Variants in SCN9A observed in about 807,000 individuals in gnomAD.
The protein encoded by SCN9A is sodium channel protein type 9 subunit alpha.
Under a neutral mutation model 187.0 loss-of-function variants are expected in SCN9A, and 131 were observed. The ratio of observed to expected loss-of-function variants is 0.70; its 90% CI spans 0.61 to 0.81. The LOEUF (loss-of-function observed/expected upper bound fraction) is 0.81, where lower values mean the gene tolerates loss of function less well. Ranked by LOEUF, SCN9A falls within the 30% of genes least tolerant of loss-of-function variation. The probability of loss-of-function intolerance (pLI) is 0.00; values close to 1 mark genes in which losing one functional copy is unlikely to be tolerated. For missense variants in SCN9A, 2,252 were observed against 2,396.6 expected, an observed-to-expected ratio of 0.94 and a Z score of 1.26; for synonymous variants, 809 against 808.6, an observed-to-expected ratio of 1.00 and a Z score of -0.01.
chr2:166,288,093 T>TTTTA (rs1275721254), intron 10 of SCN9A, among the ~76,000 whole-genome samples: 1 of 134,914 alleles, frequency 7.4e-6, no homozygotes, highest in Non-Finnish European at 1.6e-5. Flanking sequence ...TTCCATGTGT[T>TTTTA]TATATATATA....
chr2:166,204,019 T>A lies in SCN9A; in HGVS notation c.4710A>T (p.Arg1570Ser). The change falls in exon 26 of 27, where the codon AGA (arginine) becomes AGT (serine). Residue 1570 changes from arginine to serine, a missense_variant. Arg to Ser is a moderately radical substitution (Grantham distance 110). Around this residue, in one of 7 missense-constraint regions of SCN9A, gnomAD observed 368 missense variants for 408.6 expected, o/e 0.90. Coordinates refer to ENST00000642356, the MANE Select transcript of SCN9A (RefSeq NM_001365536.1). ...GECVLKLISLRHYYFTVGWNI... is the reference protein window; with the variant it reads ...GECVLKLISLSHYYFTVGWNI... The stretch of plus-strand genomic sequence containing the variant: ...TCCATCCTACAGTGAAGTAGTAGTG[T>A]CTGAGGGAGATCAGTTTTAGCACAC... 1 of 1,607,574 alleles carries A rather than the reference T, an allele frequency of 6.2e-7. No individual in the cohort carries two copies. The highest frequency in any genetic ancestry group is 8.5e-7 in the Non-Finnish European group (1 of 1,174,662).
At chr2:166,273,289 C>A (rs1697084974) in intron 16 of SCN9A, among the ~76,000 whole-genome samples, 2 of 152,120 alleles carry the variant, frequency 1.3e-5, no homozygotes, top group Non-Finnish European at 2.9e-5. Flanking sequence ...ACAGGTAGAA[C>A]AAAACAATTG....
At chr2:166,372,505 T>C (rs1700589890) in intron 1 of SCN9A, among the ~76,000 whole-genome samples, 1 of 152,236 alleles carries the variant, frequency 6.6e-6, no homozygotes, top group Non-Finnish European at 1.5e-5. Context: ...GAGTCACTTA[T>C]AACCATATTA....
intron 6 of SCN9A, 40 bp downstream of exon 6, chr2:166,304,198 G>T: frequency 6.2e-7 from 1 of 1,610,134 alleles, no homozygotes; most frequent in Non-Finnish European, 8.5e-7. Flanking sequence ...AATAGTTGGA[G>T]TTATGAGTGG....
In SCN9A at chr2:166,338,803, G is replaced by C. The variant is rs780296350; in HGVS notation, c.-50-26997C>G. The stretch of plus-strand genomic sequence containing the variant: ...ATTTTGTAGAATGCGTCTCAACTTG[G>C]GTTCACTGAATTTTTCAATTCACAA... On this transcript the variant is annotated intron_variant, in intron 1 of 26. Transcript: ENST00000642356. Among the ~76,000 whole-genome samples, 8 of 152,076 alleles carry C rather than the reference G, an allele frequency of 5.3e-5. No homozygotes were observed. In the South Asian group the frequency reaches 8.3e-4, roughly 16 times the overall value.
rs1553507744 is a variant in SCN9A, at chr2:166,370,235, A to ATC, written c.-51+5461_-51+5462insGA. ...TAATAATAATAATAATAATAATAAT[A>ATC]ATCATCATCATCATCATTAGATAAT... On this transcript the variant is annotated intron_variant, in intron 1 of 26. Transcript: ENST00000642356. Among the ~76,000 whole-genome samples the ATC allele has an allele frequency of 2.8e-3, 389 of 137,134 alleles. 2 individuals carry two copies. Among genetic ancestry groups the ATC allele is most frequent in the Middle Eastern group, 0.014 (4 of 276 alleles). The allele number at this position is 137,134 out of a possible 152,430, so 90.0% of individuals were successfully genotyped here.
intron 4 of SCN9A, 97 bp downstream of exon 4, chr2:166,306,413 T>C (rs1173955549): frequency 2.7e-6 from 2 of 746,412 alleles, no homozygotes; most frequent in Non-Finnish European, 4.8e-6. Context: ...AGGTAAAGAT[T>C]CCCCATCTTC....
chr2:166,238,045 C>T, intron 20 of SCN9A, 49 bp downstream of exon 20: 2 of 1,399,920 alleles, frequency 1.4e-6, no homozygotes, highest in East Asian at 2.4e-5. Flanking sequence ...TTTTTCACAA[C>T]ACACAGTAAG....
At position 166,222,930 on chromosome 2, in the gene SCN9A, C is replaced by CAAA. The variant is rs1369885268; in HGVS notation, c.4398+3634_4398+3636dup. On this transcript the variant is annotated intron_variant, in intron 24 of 26. Coordinates refer to ENST00000642356, the MANE Select transcript of SCN9A (RefSeq NM_001365536.1). ...TGGGCGACAGAGCGAAACTCCGTCT[C>CAAA]AAAAAAAAAAACAACAAAAAAAAAA... Among the ~76,000 whole-genome samples, 141 of 19,334 alleles carry CAAA rather than the reference C, an allele frequency of 7.3e-3. 4 individuals carry two copies. Among genetic ancestry groups the CAAA allele is most frequent in the Middle Eastern group, 0.02 (1 of 50 alleles). The allele number at this position is 19,334 out of a possible 152,430, so 12.7% of individuals were successfully genotyped here. A position where few individuals can be genotyped will look rare whatever the true frequency, so the allele number is the denominator to read the frequency against.
chr2:166,337,854 CAT>C (rs892013161), intron 1 of SCN9A, among the ~76,000 whole-genome samples: 46 of 152,150 alleles, frequency 3.0e-4, no homozygotes, highest in African/African-American at 1.1e-3. Flanking sequence ...TGAGTTAATG[CAT>C]ATAAACACTC....
chr2:166,344,218 G>T (rs189023255), intron 1 of SCN9A, among the ~76,000 whole-genome samples: 38 of 152,072 alleles, frequency 2.5e-4, no homozygotes, highest in African/African-American at 7.0e-4. Context: ...GAAGTATAAG[G>T]TTAAAAGTAT....
At position 166,250,096 on chromosome 2, in the gene SCN9A, G is replaced by A. The variant is rs141729445; in HGVS notation, c.3472+1669C>T. The stretch of plus-strand genomic sequence containing the variant: ...TACACCTTTGCTTCTTACATAAAAT[G>A]ATATTTGGTGTGTATTTAAAGAAAA... On this transcript the variant is annotated intron_variant, in intron 18 of 26. Coordinates refer to ENST00000642356, the MANE Select transcript of SCN9A (RefSeq NM_001365536.1). 5.7e-3 allele frequency among the ~76,000 whole-genome samples: 862 copies of A among 152,206 alleles called. 11 individuals carry two copies. Among genetic ancestry groups the A allele is most frequent in the African/African-American group, 0.02 (822 of 41,560 alleles).
At chr2:166,206,233 TATTCACAATAGC>T (rs1338263229) in intron 24 of SCN9A, among the ~76,000 whole-genome samples, 1 of 152,142 alleles carries the variant, frequency 6.6e-6, no homozygotes, top group African/African-American at 2.4e-5. Flanking sequence ...ATTGCAGCAC[TATTCACAATAGC>T]AAAGACTTGG....
At position 166,277,294 on chromosome 2, in the gene SCN9A, G is replaced by A; in HGVS notation, c.2563C>T (p.Leu855=). The A allele has an allele frequency of 6.2e-7, 1 of 1,613,382 alleles. No homozygotes were observed. ...LAKSWPTLNM[L]IKIIGNSVGA... ...ACTGAGTTACCAATGATCTTAATCA[G>A]CATGTTCAATGTTGGCCAGGATTTT... Residue 855 remains leucine, a synonymous_variant, in exon 16 of 27, where the codon CTG becomes TTG. Transcript: ENST00000642356.
At chr2:166,200,143 G>C (rs1258125495) in intron 26 of SCN9A, among the ~76,000 whole-genome samples, 19 of 147,330 alleles carry the variant, frequency 1.3e-4, no homozygotes, top group Admixed American at 1.2e-3. Flanking sequence ...GACTACAGGC[G>C]CCCGCTACCA....
At chr2:166,203,834 T>C in intron 26 of SCN9A, 121 bp downstream of exon 26, 1 of 645,836 alleles carries the variant, frequency 1.5e-6, no homozygotes, top group South Asian at 2.2e-5. Flanking sequence ...TTTTCATTCT[T>C]TCATTGTACT....
chr2:166,291,178 C>T (rs538715520), intron 9 of SCN9A, among the ~76,000 whole-genome samples: 113 of 152,132 alleles, frequency 7.4e-4, no homozygotes, highest in South Asian at 1.7e-3. Flanking sequence ...TTAGAAAACC[C>T]GATCATCTCA....
chr2:166,294,646 C>T lies in SCN9A; in HGVS notation c.918G>A (p.Leu306=), dbSNP rs1326815034. The part of the protein sequence containing the change: ...EEDFRKYFYY[L]EGSKDALLCG... Reference sequence around the variant, plus strand: ...AAAGGAGAGCATCTTTGGATCCTTCCAAGTAATAAAAATATTCTGTTGAAG... The same window carrying T: ...AAAGGAGAGCATCTTTGGATCCTTCTAAGTAATAAAAATATTCTGTTGAAG... Residue 306 remains leucine (L), a synonymous_variant, in exon 8 of 27, where the codon TTG becomes TTA. Transcript: ENST00000642356. 3 of 1,606,368 alleles carry T rather than the reference C, an allele frequency of 1.9e-6. No homozygotes were observed. The highest frequency in any genetic ancestry group is 1.7e-5 in the Admixed American group (1 of 59,562).
chr2:166,370,223 A>ATCATCATCATCATC lies in SCN9A; in HGVS notation c.-51+5473_-51+5474insGATGATGATGATGA, dbSNP rs1553507710. Among the ~76,000 whole-genome samples the ATCATCATCATCATC allele has an allele frequency of 6.6e-3, 800 of 121,006 alleles. 8 individuals carry two copies. The highest frequency in any genetic ancestry group is 0.018 in the Middle Eastern group (4 of 228). 79.4% of individuals were successfully genotyped at this position (121,006 alleles called of 152,430 possible). A position where few individuals can be genotyped will look rare whatever the true frequency, so the allele number is the denominator to read the frequency against. On this transcript the variant is annotated intron_variant, in intron 1 of 26. Coordinates refer to ENST00000642356, the MANE Select transcript of SCN9A (RefSeq NM_001365536.1). The stretch of plus-strand genomic sequence containing the variant: ...TAATAATAATAATAATAATAATAAT[A>ATCATCATCATCATC]ATAATAATAATAATCATCATCATCA...
Sources: gnomAD v4.1 joint callset for allele counts (sites outside exome capture counted in the v4.1 genomes callset) on GRCh38, gnomAD v4.1.1 for gene constraint, gnomAD v4.1.1 regional missense constraint, MANE v1.5 for transcripts, NCBI Gene and HGNC (gene_info 2026-07-23, HGNC 2026-07-21) for gene names.